Variants in LIMS1 observed in about 807,000 individuals in gnomAD.
The protein encoded by LIMS1 is LIM zinc finger domain containing 1, also known as LIM and senescent cell antigen-like-containing domain protein 1.
A neutral mutation model predicts 44.1 loss-of-function variants in LIMS1; 18 were observed. The observed-to-expected ratio is 0.41, with a 90% CI of 0.28 to 0.61. The LOEUF (loss-of-function observed/expected upper bound fraction) is 0.61. LIMS1 is among the 20% of genes least tolerant of loss of function. The probability of loss-of-function intolerance (pLI) is 0.32; values close to 1 mark genes in which losing one functional copy is unlikely to be tolerated. For synonymous variants in LIMS1, 93 were observed against 149.1 expected (o/e 0.62, Z 2.74); for missense variants, 201 against 422.0 (o/e 0.48, Z 4.59).
At chr2:108,565,552 C>T (rs931325654) in intron 1 of LIMS1, among the ~76,000 whole-genome samples, 5 of 152,016 alleles carry the variant, frequency 3.3e-5, no homozygotes, top group African/African-American at 9.7e-5. Flanking sequence ...CCTTTTAAAC[C>T]ATTCTTTGGA....
At chr2:108,544,383 A>G (rs1291131014) in intron 1 of LIMS1, among the ~76,000 whole-genome samples, 2 of 152,244 alleles carry the variant, frequency 1.3e-5, no homozygotes, top group African/African-American at 4.8e-5. Context: ...TGAGGGATGT[A>G]TGTCATGAAA....
At chr2:108,628,767 A>G (rs1688729474) in intron 1 of LIMS1, among the ~76,000 whole-genome samples, 1 of 152,150 alleles carries the variant, frequency 6.6e-6, no homozygotes, top group Admixed American at 6.5e-5. Context: ...ACCCAGCCTC[A>G]GTGCATTAAT....
In LIMS1 at chr2:108,624,338, T is replaced by G. The variant is rs116080108; in HGVS notation, c.33-35267T>G. Among the ~76,000 whole-genome samples, 767 of 152,322 alleles carry G rather than the reference T, an allele frequency of 5.0e-3. 6 individuals carry two copies. The highest frequency in any genetic ancestry group is 0.018 in the African/African-American group (728 of 41,580). On this transcript the variant is annotated intron_variant, in intron 1 of 9. Transcript: ENST00000544547. ...CTGAATGACAAACACACCTGAGAAATTCCTGCCCTTTAAAAATTCTCAAAG... is the reference window on the plus strand; with the variant it reads ...CTGAATGACAAACACACCTGAGAAAGTCCTGCCCTTTAAAAATTCTCAAAG...
intron 1 of LIMS1, among the ~76,000 whole-genome samples, chr2:108,559,577 A>G (rs911123408): frequency 2.6e-5 from 4 of 152,200 alleles, no homozygotes; most frequent in African/African-American, 9.7e-5. Flanking sequence ...GCATGATAAA[A>G]ATCTAATCTC....
chr2:108,654,457 A>G (rs1326094235), intron 1 of LIMS1, among the ~76,000 whole-genome samples: 3 of 152,088 alleles, frequency 2.0e-5, no homozygotes, highest in Admixed American at 1.3e-4. Context: ...CAAAGGTGAT[A>G]GAAGTCAAAC....
chr2:108,568,760 G>T (rs905651436), intron 1 of LIMS1, among the ~76,000 whole-genome samples: 1 of 152,144 alleles, frequency 6.6e-6, no homozygotes, highest in Non-Finnish European at 1.5e-5. Flanking sequence ...TTGTGATTTT[G>T]ATTTGCATTT....
intron 1 of LIMS1, among the ~76,000 whole-genome samples, chr2:108,604,541 C>T (rs761118315): frequency 3.3e-5 from 5 of 152,162 alleles, no homozygotes; most frequent in East Asian, 1.9e-4. Flanking sequence ...TATCCTTAGC[C>T]TCTCAAATTA....
intron 1 of LIMS1, among the ~76,000 whole-genome samples, chr2:108,584,077 G>C (rs1042383861): frequency 4.6e-5 from 7 of 152,274 alleles, no homozygotes; most frequent in African/African-American, 1.7e-4. Context: ...TCTTCTCTCA[G>C]GGTTCCCAGA....
intron 9 of LIMS1, among the ~76,000 whole-genome samples, chr2:108,682,993 A>G (rs1414952559): frequency 6.6e-6 from 1 of 152,232 alleles, no homozygotes; most frequent in African/African-American, 2.4e-5. Flanking sequence ...TCAGGAGGCT[A>G]TCTGAAAAGT....
intron 1 of LIMS1, among the ~76,000 whole-genome samples, chr2:108,594,398 C>T (rs1821867): frequency 0.42 from 63,098 of 152,040 alleles, 14,949 homozygotes; most frequent in East Asian, 0.94. Context: ...TGTTGCTGAA[C>T]GCTTAAAATG....
chr2:108,553,238 G>C (rs1684820932), intron 1 of LIMS1, among the ~76,000 whole-genome samples: 1 of 152,208 alleles, frequency 6.6e-6, no homozygotes, highest in Non-Finnish European at 1.5e-5. Context: ...CCTGGGTGCA[G>C]ATAAATATCT....
At chr2:108,550,332 A>G (rs537860197) in intron 1 of LIMS1, among the ~76,000 whole-genome samples, 90 of 149,312 alleles carry the variant, frequency 6.0e-4, no homozygotes, top group African/African-American at 2.1e-3. Context: ...CATCTCTACT[A>G]TAAATACAAA....
At chr2:108,551,658 G>A (rs1334613522) in intron 1 of LIMS1, among the ~76,000 whole-genome samples, 5 of 141,550 alleles carry the variant, frequency 3.5e-5, no homozygotes, top group South Asian at 2.1e-4. Context: ...GTATATATAT[G>A]TATATACACA....
intron 2 of LIMS1, among the ~76,000 whole-genome samples, chr2:108,666,809 T>A (rs1691791207): frequency 1.3e-5 from 2 of 151,918 alleles, no homozygotes; most frequent in Admixed American, 1.3e-4. Flanking sequence ...ATAATAATAA[T>A]AAAATAAATT....
chr2:108,534,206 T>G, upstream of LIMS1: 1 of 155,196 alleles, frequency 6.4e-6, no homozygotes, highest in Non-Finnish European at 1.4e-5. Flanking sequence ...CAGACTAGCC[T>G]GGGGTGCTGA....
chr2:108,634,609 G>A (rs56216507), intron 1 of LIMS1, among the ~76,000 whole-genome samples: 54,802 of 152,098 alleles, frequency 0.36, 11,815 homozygotes, highest in East Asian at 0.88. Context: ...CTGGAGAGAC[G>A]CCACACACAT....
chr2:108,670,121 A>T (rs1194695444), intron 2 of LIMS1, among the ~76,000 whole-genome samples: 1 of 151,938 alleles, frequency 6.6e-6, no homozygotes. Context: ...AAATGAAAAC[A>T]GTTCAAGAAA....
Position 108,683,868 on chromosome 2 carries a change from T to C in LIMS1, c.900-17T>C. On this transcript the variant is annotated splice_polypyrimidine_tract_variant and intron_variant, in intron 9 of 9. Transcript: ENST00000544547. ...GTTTCCACTAACTTCTTTTTTTTTA[T>C]AATTTTTTGTCTTTAGGAATAAGTT... 4 of 1,346,258 alleles carry C rather than the reference T, an allele frequency of 3.0e-6. No individual in the cohort carries two copies. Among genetic ancestry groups the C allele is most frequent in the Admixed American group, 2.3e-5 (1 of 44,344 alleles). The allele number at this position is 1,346,258 out of a possible 1,614,324, so 83.4% of individuals were successfully genotyped here. A position where few individuals can be genotyped will look rare whatever the true frequency, so the allele number is the denominator to read the frequency against.
intron 1 of LIMS1, among the ~76,000 whole-genome samples, chr2:108,656,318 TATA>T (rs1690840617): frequency 7.1e-5 from 6 of 84,256 alleles, no homozygotes; most frequent in Admixed American, 1.7e-4. Context: ...TCTATCTATC[TATA>T]GATAGATAGA....
Sources: allele counts gnomAD v4.1 joint callset (sites outside exome capture counted in the v4.1 genomes callset), GRCh38; gene constraint gnomAD v4.1.1; transcripts MANE v1.5; gene names NCBI Gene and HGNC (gene_info 2026-07-23, HGNC 2026-07-21).